The following ANK2 variants were observed in gnomAD, a reference collection of about 807,000 sequenced individuals.
ANK2 encodes the protein ankyrin 2.
ANK2 carries 83 observed loss-of-function variants against 360.5 expected under a neutral mutation model. That is an observed-to-expected ratio of 0.23 (90% CI 0.19 to 0.28). The LOEUF is 0.28. Ranked by LOEUF, ANK2 falls within the 10% of genes least tolerant of loss-of-function variation. ANK2 has a pLI of 1.00. For synonymous variants in ANK2, 1,740 were observed against 1,759.5 expected (o/e 0.99, Z 0.28); for missense variants, 4,201 against 4,795.7 (o/e 0.88, Z 3.66).
chr4:113,354,056 T>C lies in ANK2; in HGVS notation c.5438T>C (p.Leu1813Pro), dbSNP rs1554552296. The C allele has an allele frequency of 9.9e-6, 16 of 1,613,898 alleles. No individual in the cohort carries two copies. The Admixed American group carries it at 1.0e-4, about 10-fold the overall frequency. The stretch of plus-strand genomic sequence containing the variant: ...CCACATCCAGCTGCGTCACCCTCTC[T>C]GAAGTCAGAGAGACATGCGCCAGGG... ...HRPHPAASPS[L>P]KSERHAPGSP... Residue 1813 changes from leucine (L) to proline (P), a missense_variant, in exon 38 of 46, where the codon CTG becomes CCG. Leu to Pro is a moderately conservative substitution (Grantham distance 98). Around this residue, in one of 4 missense-constraint regions of ANK2, gnomAD observed 2,642 missense variants for 2,714.5 expected, o/e 0.97. Coordinates refer to ENST00000357077, the MANE Select transcript of ANK2 (RefSeq NM_001148.6).
At chr4:113,341,117 T>A (rs950855045) in intron 32 of ANK2, among the ~76,000 whole-genome samples, 1 of 152,226 alleles carries the variant, frequency 6.6e-6, no homozygotes, top group Non-Finnish European at 1.5e-5. Context: ...ATGAATTATA[T>A]TCAGCAATAC....
Position 113,174,502 on chromosome 4 carries a change from C to T in ANK2, c.171C>T (p.Ile57=), listed in dbSNP as rs1215518040. The T allele has an allele frequency of 6.2e-7, 1 of 1,610,810 alleles. No homozygotes were observed. The highest frequency in any genetic ancestry group is 1.1e-5 in the South Asian group (1 of 90,548). Residue 57 remains isoleucine (I), a synonymous_variant, in exon 2 of 46, where the codon ATC becomes ATT. Transcript: ENST00000357077. The part of the protein sequence containing the change: ...VVEYLKGGID[I]NTCNQNGLNA... ...AATATCTGAAGGGGGGCATAGACAT[C>T]AATACCTGCAATCAGGTAAGAACAT... is the stretch of plus-strand genomic sequence containing the variant.
Position 113,317,732 on chromosome 4 carries a change from T to A in ANK2, c.2719T>A (p.Ser907Thr), listed in dbSNP as rs2083670523. The change falls in exon 25 of 46, where the codon TCT (serine) becomes ACT (threonine). Residue 907 changes from serine (S) to threonine (T), a missense_variant. This residue lies in a region of ANK2 where 1,268 missense variants were observed against 1,650.8 expected (regional missense o/e 0.77). Transcript: ENST00000357077. ...CCTTCGATCCTTCAGTTCCGACAGG[T>A]CTCACACTCTGAGCCATGCCTCCTA... is the stretch of plus-strand genomic sequence containing the variant. Reference protein sequence around the residue: ...DSLRSFSSDRSHTLSHASYLR... With the variant: ...DSLRSFSSDRTHTLSHASYLR... 1.9e-6 allele frequency: 3 copies of A among 1,614,068 alleles called. No individual in the cohort carries two copies. In the East Asian group the frequency reaches 6.7e-5, roughly 36 times the overall value.
intron 15 of ANK2, among the ~76,000 whole-genome samples, chr4:113,277,108 C>T (rs2060511976): frequency 6.6e-6 from 1 of 152,168 alleles, no homozygotes; most frequent in South Asian, 2.1e-4. Context: ...TGAATGTACA[C>T]ATATCAACAT....
intron 2 of ANK2, among the ~76,000 whole-genome samples, chr4:112,919,585 AT>A (rs1210205690): frequency 6.6e-6 from 1 of 152,114 alleles, no homozygotes; most frequent in Non-Finnish European, 1.5e-5. Flanking sequence ...TATTCTCTTT[AT>A]TTTTCATAAG....
chr4:113,293,007 C>G, intron 21 of ANK2: 1 of 358,642 alleles, frequency 2.8e-6, no homozygotes. Flanking sequence ...AGCTTCTGCA[C>G]AGCTGTAGCT....
At chr4:112,829,559 C>T (rs376838443) in intron 1 of ANK2, among the ~76,000 whole-genome samples, 5 of 148,118 alleles carry the variant, frequency 3.4e-5, no homozygotes, top group South Asian at 2.1e-4. Context: ...GACACACAGG[C>T]GGCCAACAGG....
intron 1 of ANK2, among the ~76,000 whole-genome samples, chr4:112,883,285 C>A (rs541949522): frequency 6.6e-6 from 1 of 151,980 alleles, no homozygotes; most frequent in Admixed American, 6.6e-5. Context: ...GTGATCCACC[C>A]ACATTGGCCT....
chr4:112,859,743 T>C (rs1008713106), intron 1 of ANK2, among the ~76,000 whole-genome samples: 4 of 152,252 alleles, frequency 2.6e-5, no homozygotes, highest in South Asian at 4.1e-4. Flanking sequence ...CCACAGCTTC[T>C]GTCTAGGGCC....
intron 2 of ANK2, chr4:113,031,504 G>A (rs1038239431): frequency 6.6e-6 from 1 of 152,012 alleles, no homozygotes; most frequent in African/African-American, 2.4e-5. Flanking sequence ...CACTTAAAAT[G>A]AGGTTTACTC....
intron 2 of ANK2, among the ~76,000 whole-genome samples, chr4:112,948,401 T>TC (rs1464948582): frequency 6.6e-6 from 1 of 152,186 alleles, no homozygotes; most frequent in Non-Finnish European, 1.5e-5. Flanking sequence ...CATGTTTTTT[T>TC]TTTATGTTTG....
intron 4 of ANK2, among the ~76,000 whole-genome samples, chr4:113,204,885 G>A (rs1014085308): frequency 6.6e-6 from 1 of 152,098 alleles, no homozygotes; most frequent in Non-Finnish European, 1.5e-5. Context: ...CATAATCTGG[G>A]CTTCATACAA....
At chr4:113,089,553 A>G (rs6820287) in intron 1 of ANK2, among the ~76,000 whole-genome samples, 101,479 of 152,168 alleles carry the variant, frequency 0.67, 33,964 homozygotes, top group South Asian at 0.72. Context: ...AAGGCCAGGC[A>G]TGGTGGCTCA....
intron 2 of ANK2, among the ~76,000 whole-genome samples, chr4:112,934,643 T>C (rs1248422032): frequency 2.0e-5 from 3 of 152,232 alleles, no homozygotes; most frequent in African/African-American, 7.2e-5. Flanking sequence ...CAGGATAGAA[T>C]TAATTTATAA....
chr4:112,766,683 T>C, the ANK2 span, among the ~76,000 whole-genome samples: 4 of 152,148 alleles, frequency 2.6e-5, no homozygotes, highest in East Asian at 7.7e-4. Context: ...AAAAGATAAT[T>C]CTCTTTACTC....
chr4:112,999,258 A>G (rs954116652), intron 2 of ANK2, among the ~76,000 whole-genome samples: 10 of 145,306 alleles, frequency 6.9e-5, no homozygotes, highest in Non-Finnish European at 1.5e-4. Flanking sequence ...ATGCAGTTTC[A>G]AAAGAGTAAC....
chr4:113,164,894 A>C (rs1410041895), intron 1 of ANK2, among the ~76,000 whole-genome samples: 1 of 152,236 alleles, frequency 6.6e-6, no homozygotes, highest in Non-Finnish European at 1.5e-5. Flanking sequence ...TGTATAGAGA[A>C]TATTTCTTAA....
At chr4:113,255,510 C>G in intron 10 of ANK2, among the ~76,000 whole-genome samples, 1 of 152,150 alleles carries the variant, frequency 6.6e-6, no homozygotes, top group Admixed American at 6.5e-5. Flanking sequence ...GACAGACATA[C>G]TAATTTGCAT....
intron 2 of ANK2, among the ~76,000 whole-genome samples, chr4:113,004,505 C>G (rs2052035530): frequency 6.6e-6 from 1 of 152,122 alleles, no homozygotes; most frequent in Non-Finnish European, 1.5e-5. Context: ...ACTGGAAGGT[C>G]TTCAGGGGCA....
Sources: allele counts gnomAD v4.1 joint callset (sites outside exome capture counted in the v4.1 genomes callset), GRCh38; gene constraint gnomAD v4.1.1; regional missense constraint gnomAD v4.1.1; transcripts MANE v1.5; gene names NCBI Gene and HGNC (gene_info 2026-07-23, HGNC 2026-07-21).